Variants in SGK3 observed in about 807,000 individuals in gnomAD.
The protein encoded by SGK3 is serine/threonine-protein kinase Sgk3.
A neutral mutation model predicts 68.5 loss-of-function variants in SGK3; 47 were observed. That is an observed-to-expected ratio of 0.69 (90% confidence interval 0.54 to 0.87). The LOEUF (loss-of-function observed/expected upper bound fraction) is 0.87, where lower values mean the gene tolerates loss of function less well. SGK3 is among the 40% of genes least tolerant of loss of function. The probability of loss-of-function intolerance (pLI) is 0.00; values close to 1 mark genes in which losing one functional copy is unlikely to be tolerated. For missense variants in SGK3, 479 were observed against 575.5 expected (o/e 0.83, Z 1.72); for synonymous variants, 181 against 189.1 (o/e 0.96, Z 0.35).
intron 1 of SGK3, among the ~76,000 whole-genome samples, chr8:66,727,650 G>A (rs891074736): frequency 3.9e-5 from 6 of 152,268 alleles, no homozygotes; most frequent in South Asian, 2.1e-4. Flanking sequence ...GCTTTCTGCC[G>A]TATGAGGACA....
intron 1 of SGK3, among the ~76,000 whole-genome samples, chr8:66,752,755 A>C (rs1264919162): frequency 6.6e-6 from 1 of 152,016 alleles, no homozygotes; most frequent in Non-Finnish European, 1.5e-5. Flanking sequence ...GCTGAGGGAG[A>C]TTAAGCCTGA....
chr8:66,835,873 A>G, intron 9 of SGK3, 27 bp downstream of exon 9: 1 of 1,609,260 alleles, frequency 6.2e-7, no homozygotes, highest in South Asian at 1.1e-5. Context: ...GTTTCTCTCA[A>G]GCCCATTTTC....
chr8:66,837,617 C>CA (rs1053350593), intron 10 of SGK3, among the ~76,000 whole-genome samples: 2 of 151,572 alleles, frequency 1.3e-5, no homozygotes, highest in African/African-American at 2.4e-5. Flanking sequence ...CCCATCTCTA[C>CA]AAAAAAAATA....
rs143263423 is a variant in SGK3, at chr8:66,813,422, C to G, written c.254-431C>G. Among the ~76,000 whole-genome samples the G allele has an allele frequency of 7.0e-4, 106 of 152,094 alleles. 1 individual carries two copies. The highest frequency in any genetic ancestry group is 2.4e-3 in the African/African-American group (99 of 41,512). On this transcript the variant is annotated intron_variant, in intron 4 of 16. Coordinates refer to ENST00000521198, the MANE Select transcript of SGK3 (RefSeq NM_001033578.3). The stretch of plus-strand genomic sequence containing the variant: ...CCAATTAATCATTATTGCCCAGTTG[C>G]AAAGGATTTCCAGAAATCCTTATTT...
chr8:66,750,623 AG>A (rs755261620), intron 1 of SGK3, among the ~76,000 whole-genome samples: 2 of 151,790 alleles, frequency 1.3e-5, no homozygotes, highest in Non-Finnish European at 2.9e-5. Flanking sequence ...TGGGAGGCAG[AG>A]GTTGCAGTGA....
chr8:66,762,645 A>G lies in SGK3; in HGVS notation c.-121-30971A>G, dbSNP rs537935553. On this transcript the variant is annotated intron_variant, in intron 1 of 16. Transcript: ENST00000521198. ...CATGTTTGAATTCTCAAATTGCCTC[A>G]TAATTTTTTTAGTTGTTTAGTCTAA... Among the ~76,000 whole-genome samples the G allele has an allele frequency of 3.3e-5, 5 of 152,326 alleles. No homozygotes were observed. The South Asian group carries it at 1.0e-3, about 32-fold the overall frequency.
intron 1 of SGK3, among the ~76,000 whole-genome samples, chr8:66,748,160 C>T (rs1397311295): frequency 1.3e-5 from 2 of 152,162 alleles, no homozygotes; most frequent in African/African-American, 4.8e-5. Flanking sequence ...ACTCTGCCTC[C>T]TACTTACTCA....
chr8:66,817,944 GA>G (rs1242089623), intron 5 of SGK3, among the ~76,000 whole-genome samples: 2 of 151,262 alleles, frequency 1.3e-5, no homozygotes, highest in Admixed American at 6.6e-5. Flanking sequence ...CCCCTCTCCA[GA>G]AAAAAAAGGC....
intron 1 of SGK3, among the ~76,000 whole-genome samples, chr8:66,741,508 C>A (rs1297968218): frequency 6.6e-6 from 1 of 151,988 alleles, no homozygotes; most frequent in Non-Finnish European, 1.5e-5. Flanking sequence ...TGAGATCGCA[C>A]CGCTGCACTC....
Position 66,793,775 on chromosome 8 carries a change from C to T in SGK3, c.39C>T (p.Cys13=). The T allele has an allele frequency of 6.2e-7, 1 of 1,613,236 alleles. No homozygotes were observed. The highest frequency in any genetic ancestry group is 8.5e-7 in the Non-Finnish European group (1 of 1,179,570). ...ACACCATGGACTACAAGGAAAGCTGCCCAAGTGTAAGCATTCCCAGCTCCG... is the reference window on the plus strand; with the variant it reads ...ACACCATGGACTACAAGGAAAGCTGTCCAAGTGTAAGCATTCCCAGCTCCG... ...RDHTMDYKES[C]PSVSIPSSDE... is the part of the protein sequence containing the mutation. Residue 13 remains cysteine, a synonymous_variant, in exon 2 of 17, where the codon TGC becomes TGT. Coordinates refer to ENST00000521198, the MANE Select transcript of SGK3 (RefSeq NM_001033578.3).
At chr8:66,725,890 T>C (rs148689887) in intron 1 of SGK3, among the ~76,000 whole-genome samples, 5,765 of 152,244 alleles carry the variant, frequency 0.038, 138 homozygotes, top group Admixed American at 0.051. Flanking sequence ...TGTTTCCTAA[T>C]AAAAACTCTT....
At chr8:66,833,908 C>T (rs1252364012) in intron 8 of SGK3, among the ~76,000 whole-genome samples, 1 of 152,150 alleles carries the variant, frequency 6.6e-6, no homozygotes, top group Non-Finnish European at 1.5e-5. Context: ...TCAGGCTGGT[C>T]TCGAACTCCC....
chr8:66,756,746 C>T (rs976188168), intron 1 of SGK3, among the ~76,000 whole-genome samples: 1 of 151,566 alleles, frequency 6.6e-6, no homozygotes, highest in Non-Finnish European at 1.5e-5. Context: ...CATACCTGGC[C>T]AATTTTTGTA....
Position 66,813,887 on chromosome 8 carries a change from A to G in SGK3, c.288A>G (p.Glu96=). The change falls in exon 5 of 17, where the codon GAA becomes GAG. Residue 96 remains glutamate (E), a synonymous_variant. Transcript: ENST00000521198. The stretch of plus-strand genomic sequence containing the variant: ...AACAAAGACGAGCAGGACTAAACGA[A>G]TTCATTCAGAACCTAGTTAGGTATC... ...FIKQRRAGLN[E]FIQNLVRYPE... The G allele has an allele frequency of 6.3e-7, 1 of 1,594,814 alleles. No homozygotes were observed. Among genetic ancestry groups the G allele is most frequent in the East Asian group, 2.3e-5 (1 of 43,678 alleles).
At chr8:66,741,110 G>T (rs1309947795) in intron 1 of SGK3, among the ~76,000 whole-genome samples, 1 of 152,034 alleles carries the variant, frequency 6.6e-6, no homozygotes, top group Non-Finnish European at 1.5e-5. Flanking sequence ...TTAATTTTGG[G>T]TAGACTTTCT....
intron 1 of SGK3, among the ~76,000 whole-genome samples, chr8:66,779,638 T>C (rs1806894064): frequency 6.9e-6 from 1 of 144,170 alleles, no homozygotes; most frequent in South Asian, 2.1e-4. Context: ...TTTATACATA[T>C]ACACATATAT....
At chr8:66,734,401 G>A (rs1805258683) in intron 1 of SGK3, among the ~76,000 whole-genome samples, 1 of 151,818 alleles carries the variant, frequency 6.6e-6, no homozygotes, top group African/African-American at 2.4e-5. Context: ...TGTAAAAATT[G>A]TTAAAATTGT....
intron 1 of SGK3, among the ~76,000 whole-genome samples, chr8:66,784,897 A>G (rs1054302330): frequency 6.6e-6 from 1 of 152,182 alleles, no homozygotes; most frequent in African/African-American, 2.4e-5. Flanking sequence ...ACCTTTTTAA[A>G]AAAACTGTAT....
intron 1 of SGK3, among the ~76,000 whole-genome samples, chr8:66,726,656 C>T (rs1362231241): frequency 6.6e-6 from 1 of 151,738 alleles, no homozygotes; most frequent in Non-Finnish European, 1.5e-5. Context: ...TTACATTTAG[C>T]TGGGTGTGGT....
Sources: allele counts gnomAD v4.1 joint callset (sites outside exome capture counted in the v4.1 genomes callset), GRCh38; gene constraint gnomAD v4.1.1; transcripts MANE v1.5; gene names NCBI Gene and HGNC (gene_info 2026-07-23, HGNC 2026-07-21).